Variants in WWOX observed in about 807,000 individuals in gnomAD.
WWOX encodes the protein WW domain-containing oxidoreductase.
WWOX carries 69 observed loss-of-function variants against 46.2 expected under a neutral mutation model. That is an observed-to-expected ratio of 1.49 (90% CI 1.23 to 1.82). The LOEUF (loss-of-function observed/expected upper bound fraction) is 1.82. Ranked by LOEUF, WWOX falls within the 40% of genes most tolerant of loss-of-function variation. The probability of loss-of-function intolerance (pLI) is 0.00; values close to 1 mark genes in which losing one functional copy is unlikely to be tolerated. For synonymous variants in WWOX, 359 were observed against 202.6 expected, an observed-to-expected ratio of 1.77 and a Z score of -6.56; for missense variants, 919 against 542.6, an observed-to-expected ratio of 1.69 and a Z score of -6.89.
chr16:78,198,457 T>A (rs1190818120), intron 5 of WWOX, among the ~76,000 whole-genome samples: 1 of 152,238 alleles, frequency 6.6e-6, no homozygotes, highest in Non-Finnish European at 1.5e-5. Context: ...CCCTCCACTC[T>A]GTCCACTTGT....
intron 8 of WWOX, among the ~76,000 whole-genome samples, chr16:78,578,012 A>G (rs1289657203): frequency 1.3e-5 from 2 of 151,936 alleles, no homozygotes; most frequent in Non-Finnish European, 2.9e-5. Context: ...ATTTCAGAGG[A>G]AAAAAGTATA....
At chr16:78,794,961 T>A (rs534575757) in intron 8 of WWOX, among the ~76,000 whole-genome samples, 2 of 152,228 alleles carry the variant, frequency 1.3e-5, no homozygotes, top group South Asian at 4.1e-4. Context: ...ATTAATGTTA[T>A]CATCATCACG....
At chr16:78,976,196 C>G (rs1311964413) in intron 8 of WWOX, among the ~76,000 whole-genome samples, 1 of 152,208 alleles carries the variant, frequency 6.6e-6, no homozygotes, top group Non-Finnish European at 1.5e-5. Flanking sequence ...AAAGAATGAA[C>G]AAATGAATGA....
At chr16:78,273,765 G>C (rs573878896) in intron 5 of WWOX, among the ~76,000 whole-genome samples, 1 of 152,344 alleles carries the variant, frequency 6.6e-6, no homozygotes, top group South Asian at 2.1e-4. Flanking sequence ...GGTGAATGGA[G>C]AAGGAAGGAC....
chr16:78,275,231 T>A (rs2079555360), intron 5 of WWOX, among the ~76,000 whole-genome samples: 1 of 152,200 alleles, frequency 6.6e-6, no homozygotes, highest in Non-Finnish European at 1.5e-5. Context: ...CCTCTTTTTT[T>A]AAAGTTCGCA....
chr16:78,822,109 C>T (rs544593707), intron 8 of WWOX, among the ~76,000 whole-genome samples: 208 of 152,306 alleles, frequency 1.4e-3, no homozygotes, highest in Non-Finnish European at 2.4e-3. Context: ...CTCCTGGCTA[C>T]AAGTGATCCT....
At chr16:79,095,848 TTC>T (rs1295307264) in intron 8 of WWOX, among the ~76,000 whole-genome samples, 3 of 146,236 alleles carry the variant, frequency 2.1e-5, no homozygotes, top group Non-Finnish European at 4.5e-5. Flanking sequence ...CACTGCTCAA[TTC>T]TCTCTCTCTC....
chr16:78,282,837 C>T lies in WWOX; in HGVS notation c.517-104023C>T, dbSNP rs137943676. Among the ~76,000 whole-genome samples the T allele has an allele frequency of 8.5e-3, 1,244 of 145,824 alleles. 26 individuals carry two copies. Among genetic ancestry groups the T allele is most frequent in the African/African-American group, 0.031 (1,193 of 38,250 alleles). ...AGGTTGCAGTGAGCCGAGATCGTGCCGTTGCACTCCAGCCTGAGTGACAAG... is the reference window on the plus strand; with the variant it reads ...AGGTTGCAGTGAGCCGAGATCGTGCTGTTGCACTCCAGCCTGAGTGACAAG... On this transcript the variant is annotated intron_variant, in intron 5 of 8. Coordinates refer to ENST00000566780, the MANE Select transcript of WWOX (RefSeq NM_016373.4).
intron 8 of WWOX, 61 bp from the exon 9 acceptor site, chr16:79,211,547 G>A: frequency 3.1e-6 from 5 of 1,609,384 alleles, no homozygotes; most frequent in Non-Finnish European, 3.4e-6. Flanking sequence ...CAGTCGAAAT[G>A]ACGCCATCTC....
intron 5 of WWOX, among the ~76,000 whole-genome samples, chr16:78,285,756 A>G (rs1468032286): frequency 6.6e-6 from 1 of 152,164 alleles, no homozygotes; most frequent in African/African-American, 2.4e-5. Context: ...GCTGAGGACA[A>G]AGTAGGTTGC....
intron 8 of WWOX, chr16:78,898,959 C>G (rs1418609257): frequency 6.6e-6 from 1 of 152,104 alleles, no homozygotes; most frequent in Admixed American, 6.5e-5. Flanking sequence ...AAACTGCTCT[C>G]ATATCCTGTG....
intron 8 of WWOX, among the ~76,000 whole-genome samples, chr16:79,059,922 C>T (rs986432118): frequency 6.6e-6 from 1 of 152,062 alleles, no homozygotes; most frequent in African/African-American, 2.4e-5. Flanking sequence ...TTTTTTCCTC[C>T]AGAAATGCTG....
intron 4 of WWOX, among the ~76,000 whole-genome samples, chr16:78,149,378 C>T (rs73566322): frequency 2.0e-5 from 3 of 152,286 alleles, no homozygotes; most frequent in East Asian, 1.9e-4. Context: ...GACTGGTGAT[C>T]CCATCTCACA....
At chr16:78,679,444 G>C (rs564133904) in intron 8 of WWOX, among the ~76,000 whole-genome samples, 1 of 152,160 alleles carries the variant, frequency 6.6e-6, no homozygotes, top group Non-Finnish European at 1.5e-5. Context: ...CCAGCTACTT[G>C]TGAGGCTGAG....
intron 4 of WWOX, among the ~76,000 whole-genome samples, chr16:78,138,590 G>A (rs1031291047): frequency 6.6e-6 from 1 of 152,174 alleles, no homozygotes; most frequent in Non-Finnish European, 1.5e-5. Context: ...AGTCCGATAA[G>A]AATCCATATC....
intron 8 of WWOX, among the ~76,000 whole-genome samples, chr16:78,948,383 A>G (rs1475580988): frequency 6.6e-6 from 1 of 152,164 alleles, no homozygotes; most frequent in East Asian, 1.9e-4. Flanking sequence ...CACACCTAAC[A>G]GATCTCAGAA....
intron 8 of WWOX, among the ~76,000 whole-genome samples, chr16:79,176,011 C>T (rs184860171): frequency 6.6e-6 from 1 of 152,198 alleles, no homozygotes; most frequent in Admixed American, 6.5e-5. Context: ...GTTACCTGCT[C>T]TATGAAACTG....
chr16:78,651,538 C>T (rs1381137785), intron 8 of WWOX, among the ~76,000 whole-genome samples: 3 of 152,176 alleles, frequency 2.0e-5, no homozygotes, highest in South Asian at 2.1e-4. Context: ...TTGATGCTCA[C>T]CTGAGGTCTA....
At chr16:78,971,297 C>G (rs947548386) in intron 8 of WWOX, among the ~76,000 whole-genome samples, 5 of 151,758 alleles carry the variant, frequency 3.3e-5, no homozygotes, top group South Asian at 2.1e-4. Context: ...AATCCCATCT[C>G]TACTAAAAAT....
Sources: allele counts gnomAD v4.1 joint callset (sites outside exome capture counted in the v4.1 genomes callset), GRCh38; gene constraint gnomAD v4.1.1; transcripts MANE v1.5; gene names NCBI Gene and HGNC (gene_info 2026-07-23, HGNC 2026-07-21).